Variants in NTSR1 observed in about 807,000 individuals in gnomAD.
NTSR1 encodes neurotensin receptor 1.
Under a neutral mutation model 31.2 loss-of-function variants are expected in NTSR1, and 29 were observed. The observed-to-expected ratio is 0.93, with a 90% CI of 0.69 to 1.27. The LOEUF is 1.27. NTSR1 is among the 50% of genes most tolerant of loss of function. NTSR1 has a pLI of 0.00. For synonymous variants in NTSR1, 282 were observed against 269.9 expected, an observed-to-expected ratio of 1.04 and a Z score of -0.44; for missense variants, 697 against 595.4, an observed-to-expected ratio of 1.17 and a Z score of -1.78.
In NTSR1 at chr20:62,709,139, C is replaced by T; in HGVS notation, c.-69C>T. ...CCCGTTCATCGGTCCCCGCCTGAGA[C>T]GCGCCCACTCCTGCCCGGACTTCCA... On this transcript the variant is annotated 5_prime_UTR_variant, in exon 1 of 4. In the 5' UTR this introduces an upstream ATG that the reference lacks. Coordinates refer to ENST00000370501, the MANE Select transcript of NTSR1 (RefSeq NM_002531.3). 2 of 1,242,862 alleles carry T rather than the reference C, an allele frequency of 1.6e-6. No homozygotes were observed. Among genetic ancestry groups the T allele is most frequent in the South Asian group, 1.9e-5 (1 of 53,752 alleles). The allele number at this position is 1,242,862 out of a possible 1,614,324, so 77.0% of individuals were successfully genotyped here.
In NTSR1 at chr20:62,709,740, C is replaced by A; in HGVS notation, c.533C>A (p.Thr178Asn). 6.2e-7 allele frequency: 1 copy of A among 1,613,052 alleles called. No homozygotes were observed. Among genetic ancestry groups the A allele is most frequent in the Non-Finnish European group, 8.5e-7 (1 of 1,179,934 alleles). Residue 178 changes from threonine to asparagine, a missense_variant, in exon 1 of 4, where the codon ACC becomes AAC. Transcript: ENST00000370501. The stretch of plus-strand genomic sequence containing the variant: ...ATCTGCCACCCCTTCAAGGCCAAGA[C>A]CCTCATGTCCCGAAGCCGCACCAAG... ...LAICHPFKAK[T>N]LMSRSRTKKF...
intron 1 of NTSR1, among the ~76,000 whole-genome samples, chr20:62,746,021 C>T (rs890298722): frequency 6.6e-6 from 1 of 152,254 alleles, no homozygotes; most frequent in African/African-American, 2.4e-5. Context: ...CTCAAGGCCA[C>T]CCTATGTGGC....
rs1052890934 is a variant in NTSR1, at chr20:62,761,311, C to T, written c.*1044C>T. ...AGATGCCAGGTCCCAGGAACTCAGG[C>T]TTCAGGTGAGAAGGAGCGGTGTGTC... On this transcript the variant is annotated 3_prime_UTR_variant, in exon 4 of 4. Coordinates refer to ENST00000370501, the MANE Select transcript of NTSR1 (RefSeq NM_002531.3). The T allele has an allele frequency of 6.6e-6, 1 of 152,312 alleles. No individual in the cohort carries two copies. Among genetic ancestry groups the T allele is most frequent in the Non-Finnish European group, 1.5e-5 (1 of 68,128 alleles). 9.4% of individuals were successfully genotyped at this position (152,312 alleles called of 1,614,324 possible). A position where few individuals can be genotyped will look rare whatever the true frequency, so the allele number is the denominator to read the frequency against.
intron 1 of NTSR1, among the ~76,000 whole-genome samples, chr20:62,716,543 G>A (rs574770993): frequency 6.6e-6 from 1 of 152,316 alleles, no homozygotes; most frequent in South Asian, 2.1e-4. Flanking sequence ...GTTGGTTGTG[G>A]TTCAAAGCTC....
At chr20:62,718,108 C>T (rs1022788775) in intron 1 of NTSR1, among the ~76,000 whole-genome samples, 10 of 152,106 alleles carry the variant, frequency 6.6e-5, no homozygotes, top group Non-Finnish European at 8.8e-5. Flanking sequence ...GTGGCCGGAG[C>T]GGAGGGAGCA....
In NTSR1 at chr20:62,760,401, GA is replaced by G. The variant is rs1440855925; in HGVS notation, c.*135del. 17 of 963,770 alleles carry G rather than the reference GA, an allele frequency of 1.8e-5. No homozygotes were observed. In the African/African-American group the frequency reaches 2.8e-4, roughly 16 times the overall value. 59.7% of individuals were successfully genotyped at this position (963,770 alleles called of 1,614,324 possible). On this transcript the variant is annotated 3_prime_UTR_variant, in exon 4 of 4. Transcript: ENST00000370501. ...GCCTGCACTGGAGTCTGAGGCCTGG[GA>G]CCCCCCCCTCCCACCCCCTAACCCA...
At chr20:62,759,324 G>A (rs563101453) in intron 3 of NTSR1, among the ~76,000 whole-genome samples, 2 of 152,314 alleles carry the variant, frequency 1.3e-5, no homozygotes, top group East Asian at 3.9e-4. Flanking sequence ...GTGTGTGGCT[G>A]CTGGGGAGGT....
intron 1 of NTSR1, among the ~76,000 whole-genome samples, chr20:62,713,900 G>A: frequency 6.6e-6 from 1 of 152,346 alleles, no homozygotes; most frequent in East Asian, 1.9e-4. Context: ...AGGAGTTCAA[G>A]CCCAGCCTGG....
intron 1 of NTSR1, among the ~76,000 whole-genome samples, chr20:62,731,177 C>T (rs967528669): frequency 8.5e-5 from 13 of 152,098 alleles, no homozygotes; most frequent in African/African-American, 2.2e-4. Flanking sequence ...CTCCGCCTCC[C>T]GGGTTCAAGT....
At chr20:62,757,272 A>G (rs1414790407) in intron 2 of NTSR1, among the ~76,000 whole-genome samples, 1 of 152,214 alleles carries the variant, frequency 6.6e-6, no homozygotes. Flanking sequence ...GGGAGGATCC[A>G]CCTTCATACA....
At position 62,728,286 on chromosome 20, in the gene NTSR1, C is replaced by G. The variant is rs529990784; in HGVS notation, c.714+18365C>G. Among the ~76,000 whole-genome samples the G allele has an allele frequency of 1.4e-3, 208 of 152,264 alleles. 2 individuals are homozygous for G. The highest frequency in any genetic ancestry group is 3.4e-3 in the Middle Eastern group (1 of 294). On this transcript the variant is annotated intron_variant, in intron 1 of 3. Transcript: ENST00000370501. ...GGTCGGTGCTCTCTCTTTCCCTCCC[C>G]GGCTACTCAGCTGGACCCCAGGGTC... is the stretch of plus-strand genomic sequence containing the variant.
rs185081709 is a variant in NTSR1 at position 62,742,395 on chromosome 20, C to T, written c.715-12290C>T. On this transcript the variant is annotated intron_variant, in intron 1 of 3. Transcript: ENST00000370501. This position sits in a 1 kb window ranked among gnomAD's most constrained non-coding sequence, Gnocchi z 7.1. ...CATCCACCATGAGTCAGGCGTGTCC[C>T]CACTGGGCAGCAAGTCCCACAGCTT... Among the ~76,000 whole-genome samples the T allele has an allele frequency of 1.5e-4, 23 of 149,514 alleles. 3 individuals are homozygous for T. Among genetic ancestry groups the T allele is most frequent in the African/African-American group, 5.5e-4 (22 of 40,114 alleles).
Position 62,709,811 on chromosome 20 carries a change from C to G in NTSR1, c.604C>G (p.Pro202Ala). Residue 202 changes from proline to alanine, a missense_variant, in exon 1 of 4, where the codon CCT becomes GCT. Transcript: ENST00000370501. ...IWLASALLAV[P>A]MLFTMGEQNR... is the part of the protein sequence containing the mutation. Reference sequence around the variant, plus strand: ...GCTCGCCTCGGCCCTGCTGGCGGTGCCTATGCTGTTCACCATGGGCGAGCA... The same window carrying G: ...GCTCGCCTCGGCCCTGCTGGCGGTGGCTATGCTGTTCACCATGGGCGAGCA... 3 of 1,612,762 alleles carry G rather than the reference C, an allele frequency of 1.9e-6. No individual in the cohort carries two copies. Among genetic ancestry groups the G allele is most frequent in the Non-Finnish European group, 2.5e-6 (3 of 1,179,898 alleles).
chr20:62,739,577 C>A (rs1482499792), intron 1 of NTSR1, among the ~76,000 whole-genome samples: 2 of 152,228 alleles, frequency 1.3e-5, no homozygotes, highest in Non-Finnish European at 2.9e-5. Flanking sequence ...ACCCCTACGG[C>A]CTCTTCCGGT....
intron 1 of NTSR1, among the ~76,000 whole-genome samples, chr20:62,719,039 T>A (rs991305641): frequency 2.0e-5 from 3 of 151,760 alleles, no homozygotes; most frequent in Non-Finnish European, 4.4e-5. Flanking sequence ...CTCACTGCTC[T>A]GGCTATGACG....
At chr20:62,755,381 ACC>A (rs1568711444) in intron 2 of NTSR1, among the ~76,000 whole-genome samples, 1 of 116 alleles carries the variant, frequency 8.6e-3, no homozygotes. Flanking sequence ...CCCTCCATCC[ACC>A]CTCCCTCCCT....
intron 1 of NTSR1, among the ~76,000 whole-genome samples, chr20:62,728,428 C>T (rs947649126): frequency 6.6e-6 from 1 of 152,182 alleles, no homozygotes; most frequent in African/African-American, 2.4e-5. Flanking sequence ...AACAGACAGA[C>T]GTCCCCGCAG....
intron 2 of NTSR1, among the ~76,000 whole-genome samples, chr20:62,757,385 T>G (rs1989529510): frequency 6.6e-6 from 1 of 152,234 alleles, no homozygotes; most frequent in African/African-American, 2.4e-5. Context: ...AAGGGTTCGT[T>G]TCTGAGATTT....
rs201489051 is a variant in NTSR1 at position 62,758,280 on chromosome 20, G to A, written c.931G>A (p.Ala311Thr). The change falls in exon 3 of 4, where the codon GCC (alanine) becomes ACC (threonine). Residue 311 changes from alanine (A) to threonine (T), a missense_variant. Physicochemically the swap from Ala to Thr is moderately conservative, Grantham distance 58 (BLOSUM62 0). Transcript: ENST00000370501. The surrounding 1 kb of genome is among the most constrained non-coding windows in gnomAD (Gnocchi z 4.5). The stretch of plus-strand genomic sequence containing the variant: ...CTGTGCCTCAGGTGCAGTGGTCATC[G>A]CCTTTGTGGTCTGCTGGCTGCCCTA... ...GVRVLRAVVI[A>T]FVVCWLPYHV... The A allele has an allele frequency of 1.1e-4, 184 of 1,613,410 alleles. No homozygotes were observed. Among genetic ancestry groups the A allele is most frequent in the East Asian group, 2.0e-4 (9 of 44,880 alleles).
Sources: gnomAD v4.1 joint callset for allele counts (sites outside exome capture counted in the v4.1 genomes callset) on GRCh38, gnomAD v4.1.1 for gene constraint, Gnocchi (gnomAD v3.1) non-coding constraint, MANE v1.5 for transcripts, NCBI Gene and HGNC (gene_info 2026-07-23, HGNC 2026-07-21) for gene names.